The following ARL15 variants were observed in gnomAD, a reference collection of about 807,000 sequenced individuals.
ARL15 encodes ARF like GTPase 15, also known as ADP-ribosylation factor-like protein 15.
ARL15 carries 19 observed loss-of-function variants against 25.2 expected under a neutral mutation model. The observed-to-expected ratio is 0.75, with a 90% CI of 0.53 to 1.10. The LOEUF (loss-of-function observed/expected upper bound fraction) is 1.10. Ranked by LOEUF, ARL15 falls within the 50% of genes least tolerant of loss-of-function variation. The pLI is 0.00. For synonymous variants in ARL15, 94 were observed against 86.8 expected, an observed-to-expected ratio of 1.08 and a Z score of -0.46; for missense variants, 220 against 246.0, an observed-to-expected ratio of 0.89 and a Z score of 0.71.
intron 4 of ARL15, among the ~76,000 whole-genome samples, chr5:54,076,463 T>C (rs1238413634): frequency 3.6e-5 from 4 of 110,266 alleles, no homozygotes; most frequent in Admixed American, 1.0e-4. Flanking sequence ...GAAATCAGGA[T>C]AGTATAGCAG....
intron 4 of ARL15, among the ~76,000 whole-genome samples, chr5:53,950,355 G>A (rs960126365): frequency 4.6e-5 from 7 of 152,088 alleles, no homozygotes; most frequent in Admixed American, 2.0e-4. Context: ...ACAGAAAGAC[G>A]ACGATGTCAT....
At chr5:54,191,503 G>GA (rs1050249906) in intron 1 of ARL15, among the ~76,000 whole-genome samples, 1 of 151,172 alleles carries the variant, frequency 6.6e-6, no homozygotes, top group Non-Finnish European at 1.5e-5. Flanking sequence ...AAAAAATTTT[G>GA]AAAAAAAATC....
chr5:54,301,667 T>G (rs1262415341), intron 1 of ARL15, among the ~76,000 whole-genome samples: 2 of 152,208 alleles, frequency 1.3e-5, no homozygotes, highest in African/African-American at 4.8e-5. Context: ...CTATACTGAT[T>G]AGGAACGGGT....
At chr5:53,947,100 T>G (rs1746763031) in intron 4 of ARL15, among the ~76,000 whole-genome samples, 1 of 151,852 alleles carries the variant, frequency 6.6e-6, no homozygotes, top group African/African-American at 2.4e-5. Context: ...GGTTCGCTAG[T>G]CTGTATCAGA....
chr5:54,189,871 TA>T (rs1294216331), intron 1 of ARL15, among the ~76,000 whole-genome samples: 2 of 152,144 alleles, frequency 1.3e-5, no homozygotes. Flanking sequence ...GTCAATAGTG[TA>T]AAAAGTTAGT....
chr5:53,980,920 G>A (rs1580138326), intron 4 of ARL15, among the ~76,000 whole-genome samples: 2 of 152,112 alleles, frequency 1.3e-5, no homozygotes, highest in Non-Finnish European at 1.5e-5. Context: ...GTTCAAGGCT[G>A]CAGTGAGCTA....
intron 2 of ARL15, among the ~76,000 whole-genome samples, 188 bp downstream of exon 2, chr5:54,171,589 GGGATATA>G (rs1306846890): frequency 6.6e-6 from 1 of 152,100 alleles, no homozygotes; most frequent in Non-Finnish European, 1.5e-5. Context: ...ACCTGCTAGA[GGGATATA>G]GGATACAGCA....
intron 4 of ARL15, among the ~76,000 whole-genome samples, chr5:53,930,283 C>A (rs1746158673): frequency 6.6e-6 from 1 of 152,102 alleles, no homozygotes; most frequent in Non-Finnish European, 1.5e-5. Flanking sequence ...TAAAGACCTC[C>A]ATCTTAACCA....
chr5:54,283,707 A>G (rs144809079), intron 1 of ARL15, among the ~76,000 whole-genome samples: 1 of 152,364 alleles, frequency 6.6e-6, no homozygotes, highest in Admixed American at 6.5e-5. Context: ...ATAGTGAATG[A>G]CTGAACAACT....
chr5:54,056,733 T>C (rs1049788972), intron 4 of ARL15, among the ~76,000 whole-genome samples: 3 of 151,564 alleles, frequency 2.0e-5, no homozygotes, highest in African/African-American at 2.4e-5. Context: ...GGAGGGAGCA[T>C]GGTGTGATGG....
At chr5:53,980,563 G>C (rs1748087005) in intron 4 of ARL15, among the ~76,000 whole-genome samples, 2 of 152,196 alleles carry the variant, frequency 1.3e-5, no homozygotes, top group Admixed American at 6.5e-5. Context: ...AGACATGTGA[G>C]AAATTATCAG....
intron 4 of ARL15, among the ~76,000 whole-genome samples, chr5:53,947,791 T>C (rs145626468): frequency 1.3e-4 from 20 of 152,144 alleles, no homozygotes; most frequent in African/African-American, 4.8e-4. Flanking sequence ...GTTGTTCATA[T>C]TCAACTTAAG....
intron 1 of ARL15, among the ~76,000 whole-genome samples, chr5:54,250,341 G>C (rs958373083): frequency 3.3e-5 from 5 of 152,156 alleles, no homozygotes; most frequent in South Asian, 4.1e-4. Context: ...ATGAGACTTG[G>C]GGGGACAAAC....
intron 1 of ARL15, among the ~76,000 whole-genome samples, chr5:54,259,525 T>A (rs917529386): frequency 6.6e-6 from 1 of 152,068 alleles, no homozygotes; most frequent in Non-Finnish European, 1.5e-5. Context: ...TGACGGCAAG[T>A]GAAAGAAACA....
At chr5:54,248,790 T>C (rs1374227195) in intron 1 of ARL15, among the ~76,000 whole-genome samples, 1 of 152,214 alleles carries the variant, frequency 6.6e-6, no homozygotes, top group Non-Finnish European at 1.5e-5. Flanking sequence ...GCTGTGTATA[T>C]GTTGAACTAA....
rs114380736 is a variant in ARL15, at chr5:54,003,204, A to C, written c.462+109998T>G. Among the ~76,000 whole-genome samples, 412 of 152,320 alleles carry C rather than the reference A, an allele frequency of 2.7e-3. 1 individual carries two copies. Among genetic ancestry groups the C allele is most frequent in the African/African-American group, 9.1e-3 (380 of 41,570 alleles). On this transcript the variant is annotated intron_variant, in intron 4 of 4. Transcript: ENST00000504924. Reference sequence around the variant, plus strand: ...GGAAGTTACAAATACAATGTACCACAGTGGGGGAAATGTGGTATTCACAGC... The same window carrying C: ...GGAAGTTACAAATACAATGTACCACCGTGGGGGAAATGTGGTATTCACAGC...
intron 1 of ARL15, among the ~76,000 whole-genome samples, chr5:54,307,511 CTTAAATA>C (rs1223855353): frequency 6.6e-6 from 1 of 152,148 alleles, no homozygotes; most frequent in East Asian, 1.9e-4. Context: ...AAAACCCTGT[CTTAAATA>C]TTAAAGTACT....
intron 4 of ARL15, among the ~76,000 whole-genome samples, chr5:53,986,952 T>C (rs1360171920): frequency 6.6e-6 from 1 of 152,088 alleles, no homozygotes; most frequent in Non-Finnish European, 1.5e-5. Flanking sequence ...GAAATATATA[T>C]ACATTTAAAT....
In ARL15 at chr5:54,171,889, G is replaced by A. The variant is rs747993020; in HGVS notation, c.88C>T (p.Arg30Ter). 32 of 1,613,350 alleles carry A rather than the reference G, an allele frequency of 2.0e-5. No homozygotes were observed. Among genetic ancestry groups the A allele is most frequent in the Non-Finnish European group, 2.6e-5 (31 of 1,179,578 alleles). The change falls in exon 2 of 5, where the codon CGA (arginine) becomes TGA (stop). Residue 30 changes from arginine (R) to a stop codon, truncating the protein, a stop_gained. Coordinates refer to ENST00000504924, the MANE Select transcript of ARL15 (RefSeq NM_019087.3). LOFTEE classifies it high-confidence loss of function. ...ALCCKGPPPA[R>*]PEYDLVCIGL... is the part of the protein sequence containing the mutation. ...ATGCAAACCAGGTCATATTCTGGTCGTGCAGGTGGTGGTCCCTTGCAGCAA... is the reference window on the plus strand; with the variant it reads ...ATGCAAACCAGGTCATATTCTGGTCATGCAGGTGGTGGTCCCTTGCAGCAA...
Sources: allele counts gnomAD v4.1 joint callset (sites outside exome capture counted in the v4.1 genomes callset), GRCh38; gene constraint gnomAD v4.1.1; transcripts MANE v1.5; gene names NCBI Gene and HGNC (gene_info 2026-07-23, HGNC 2026-07-21).